Variants in DACT2 observed in about 807,000 individuals in gnomAD.
DACT2 encodes dishevelled binding antagonist of beta catenin 2.
A neutral mutation model predicts 22.2 loss-of-function variants in DACT2; 20 were observed. The ratio of observed to expected loss-of-function variants is 0.90; its 90% CI spans 0.63 to 1.31. The LOEUF is 1.31. Among genes scored for constraint, DACT2 ranks in the 50% most tolerant of loss-of-function variants. The pLI is 0.00. For missense variants in DACT2, 1,048 were observed against 1,061.4 expected, an observed-to-expected ratio of 0.99 and a Z score of 0.18; for synonymous variants, 463 against 479.8, an observed-to-expected ratio of 0.96 and a Z score of 0.46.
intron 3 of DACT2, chr6:168,300,081 G>T (rs148911801): frequency 6.6e-6 from 1 of 152,260 alleles, no homozygotes; most frequent in African/African-American, 2.4e-5. Context: ...GAGACCCCCC[G>T]TAAGGAGTGT....
Position 168,308,175 on chromosome 6 carries a change from G to C in DACT2, c.1582C>G (p.Pro528Ala). Residue 528 changes from proline to alanine, a missense_variant, in exon 4 of 4, where the codon CCC becomes GCC. Physicochemically the swap from Pro to Ala is conservative, Grantham distance 27. Coordinates refer to ENST00000366795, the MANE Select transcript of DACT2 (RefSeq NM_214462.5). ...LDRPEGAHAA[P>A]QPSLEWDPAH... ...GGGTCCCACTCCAGGGATGGCTGGGGGGCTGCATGGGCTCCCTCAGGCCTG... is the reference window on the plus strand; with the variant it reads ...GGGTCCCACTCCAGGGATGGCTGGGCGGCTGCATGGGCTCCCTCAGGCCTG... The C allele has an allele frequency of 1.9e-6, 3 of 1,551,192 alleles. No homozygotes were observed. The highest frequency in any genetic ancestry group is 3.3e-4 in the Middle Eastern group (2 of 5,990).
chr6:168,296,170 C>T (rs10080978), intron 3 of DACT2, among the ~76,000 whole-genome samples: 311 of 129,280 alleles, frequency 2.4e-3, no homozygotes, highest in Middle Eastern at 0.015. Context: ...CCCGGAATCA[C>T]GGAAAGAGCA....
At chr6:168,296,320 A>G (rs1472725033) in intron 3 of DACT2, among the ~76,000 whole-genome samples, 1 of 149,710 alleles carries the variant, frequency 6.7e-6, no homozygotes, top group African/African-American at 2.5e-5. Context: ...ATCCATCCAC[A>G]GTGGTGAGAA....
intron 3 of DACT2, among the ~76,000 whole-genome samples, chr6:168,296,919 A>G (rs1049318316): frequency 5.3e-5 from 8 of 152,160 alleles, no homozygotes; most frequent in African/African-American, 1.7e-4. Context: ...CTCACCAAAA[A>G]CTAGTGTCCA....
intron 3 of DACT2, among the ~76,000 whole-genome samples, chr6:168,309,515 G>A (rs1779341599): frequency 1.4e-5 from 1 of 70,536 alleles, no homozygotes; most frequent in Admixed American, 2.0e-4. Context: ...TTCTGATCCT[G>A]CCCGTTGCGG....
chr6:168,295,088 C>T (rs1399900267), intron 3 of DACT2, among the ~76,000 whole-genome samples: 2 of 152,154 alleles, frequency 1.3e-5, no homozygotes, highest in Non-Finnish European at 2.9e-5. Flanking sequence ...TCCTCCTCCT[C>T]TGCTGTTTGG....
chr6:168,319,715 G>A lies in DACT2; in HGVS notation c.-82C>T, dbSNP rs1351014220. ...CGCGCGGATCCCGAGCTGTGTCGCG[G>A]GTCCTCCTGCGCCTCCTCTCTCCGC... On this transcript the variant is annotated 5_prime_UTR_variant, in exon 1 of 4. Transcript: ENST00000366795. The A allele has an allele frequency of 2.5e-6, 3 of 1,185,198 alleles. No homozygotes were observed. The highest frequency in any genetic ancestry group is 1.6e-5 in the African/African-American group (1 of 62,184). The allele number at this position is 1,185,198 out of a possible 1,614,324, so 73.4% of individuals were successfully genotyped here.
chr6:168,309,188 A>G, intron 3 of DACT2, 90 bp from the exon 4 acceptor site: 1 of 1,436,140 alleles, frequency 7.0e-7, no homozygotes, highest in South Asian at 1.5e-5. Flanking sequence ...CTGGGATGGA[A>G]ACGCTGCTCA....
At chr6:168,313,005 CCTCCCAACAA>C (rs1562499249) in intron 1 of DACT2, among the ~76,000 whole-genome samples, 1 of 152,218 alleles carries the variant, frequency 6.6e-6, no homozygotes, top group Non-Finnish European at 1.5e-5. Context: ...AACTCAGGGG[CCTCCCAACAA>C]CCTCCAAAGT....
intron 3 of DACT2, chr6:168,294,750 CCTGCAGCTTCAACGATTCTGCGATT>C (rs1778980933): frequency 1.0e-6 from 1 of 983,274 alleles, no homozygotes. Flanking sequence ...ACAGAACACA[CCTGCAGCTTCAACGATTCTGCGATT>C]CTGCAGCTTC....
At chr6:168,305,978 G>A (rs551394156), downstream of DACT2, among the ~76,000 whole-genome samples, 36 of 152,294 alleles carry the variant, frequency 2.4e-4, no homozygotes, top group African/African-American at 2.4e-4. Flanking sequence ...GCATTTTCTC[G>A]TGGTGTGCAC....
chr6:168,310,025 C>T (rs923560679), intron 3 of DACT2, 143 bp downstream of exon 3: 2 of 1,306,038 alleles, frequency 1.5e-6, no homozygotes, highest in African/African-American at 1.5e-5. Context: ...ACCACGTGGC[C>T]CACGGAGGCC....
chr6:168,307,149 G>A lies in DACT2; in HGVS notation c.*283C>T. On this transcript the variant is annotated 3_prime_UTR_variant, in exon 4 of 4. Transcript: ENST00000366795. The surrounding 1 kb of genome is among the most constrained non-coding windows in gnomAD (Gnocchi z 5.3). Reference sequence around the variant, plus strand: ...ATGACAACATGGAAACAAGGTGCATGCCGGGAAGCAGCATCCTGGGCAGAC... The same window carrying A: ...ATGACAACATGGAAACAAGGTGCATACCGGGAAGCAGCATCCTGGGCAGAC... 2.4e-6 allele frequency: 3 copies of A among 1,248,066 alleles called. No homozygotes were observed. The highest frequency in any genetic ancestry group is 3.0e-6 in the Non-Finnish European group (3 of 993,032). The allele number at this position is 1,248,066 out of a possible 1,614,324, so 77.3% of individuals were successfully genotyped here.
chr6:168,304,645 C>A (rs1779167606), downstream of DACT2, among the ~76,000 whole-genome samples: 1 of 152,348 alleles, frequency 6.6e-6, no homozygotes, highest in South Asian at 2.1e-4. Flanking sequence ...TCACCCCTTG[C>A]CCCTACTGTG....
intron 3 of DACT2, among the ~76,000 whole-genome samples, chr6:168,297,707 TATACA>T: frequency 6.6e-6 from 1 of 152,242 alleles, no homozygotes; most frequent in East Asian, 1.9e-4. Context: ...ATGGGGTATC[TATACA>T]GAGAGAGTCT....
chr6:168,297,743 C>G (rs777079595), intron 3 of DACT2, among the ~76,000 whole-genome samples: 45 of 152,222 alleles, frequency 3.0e-4, no homozygotes, highest in Non-Finnish European at 4.1e-4. Context: ...GACAGAAAGA[C>G]AGAGAGATGG....
Position 168,309,407 on chromosome 6 carries a change from A to AGGGCCGTTTGCGTGTAGACACAGGGTGCG in DACT2, c.659-338_659-310dup, listed in dbSNP as rs767359614. On this transcript the variant is annotated intron_variant, in intron 3 of 3. Transcript: ENST00000366795. ...GCCCGTCTGCATCTAGACACCGCAC[A>AGGGCCGTTTGCGTGTAGACACAGGGTGCG]GGGCCGTTTGCGTGTAGACACAGGG... 6.6e-3 allele frequency among the ~76,000 whole-genome samples: 440 copies of AGGGCCGTTTGCGTGTAGACACAGGGTGCG among 66,712 alleles called. 34 individuals are homozygous for AGGGCCGTTTGCGTGTAGACACAGGGTGCG. Among genetic ancestry groups the AGGGCCGTTTGCGTGTAGACACAGGGTGCG allele is most frequent in the African/African-American group, 0.021 (349 of 16,794 alleles). 43.8% of individuals were successfully genotyped at this position (66,712 alleles called of 152,430 possible).
Position 168,310,202 on chromosome 6 carries a change from C to T in DACT2, c.624G>A (p.Pro208=), listed in dbSNP as rs773399129. Residue 208 remains proline (P), a synonymous_variant, in exon 3 of 4, where the codon CCG becomes CCA. Coordinates refer to ENST00000366795, the MANE Select transcript of DACT2 (RefSeq NM_214462.5). ...PPGSVEDAGQ[P]WGTFWPRPVS... Reference sequence around the variant, plus strand: ...CAGGCCTGGGCCAGAATGTGCCCCACGGCTGGCCTGCATCCTCCACGCTCC... The same window carrying T: ...CAGGCCTGGGCCAGAATGTGCCCCATGGCTGGCCTGCATCCTCCACGCTCC... 230 of 1,550,650 alleles carry T rather than the reference C, an allele frequency of 1.5e-4. No individual in the cohort carries two copies. Among genetic ancestry groups the T allele is most frequent in the Non-Finnish European group, 1.8e-4 (211 of 1,146,942 alleles).
intron 3 of DACT2, among the ~76,000 whole-genome samples, chr6:168,309,441 C>CGTTTGCGTGTAGACACAGGGTGCGGGGCT (rs1779337186): frequency 6.6e-6 from 1 of 152,090 alleles, no homozygotes; most frequent in African/African-American, 2.4e-5. Context: ...GGTGCGGGGC[C>CGTTTGCGTGTAGACACAGGGTGCGGGGCT]GTTTGCGTGT....
Sources: gnomAD v4.1 joint callset for allele counts (sites outside exome capture counted in the v4.1 genomes callset) on GRCh38, gnomAD v4.1.1 for gene constraint, Gnocchi (gnomAD v3.1) non-coding constraint, MANE v1.5 for transcripts, NCBI Gene and HGNC (gene_info 2026-07-23, HGNC 2026-07-21) for gene names.